CDH2: variants seen among roughly 807,000 people sequenced by gnomAD.
CDH2 encodes cadherin 2.
A neutral mutation model predicts 92.0 loss-of-function variants in CDH2; 17 were observed. That is an observed-to-expected ratio of 0.18 (90% CI 0.13 to 0.28). The LOEUF is 0.28. CDH2 is among the 10% of genes least tolerant of loss of function. CDH2 has a pLI of 1.00. For missense variants in CDH2, 862 were observed against 1,133.1 expected (o/e 0.76, Z 3.44); for synonymous variants, 419 against 415.9 (o/e 1.01, Z -0.09).
At chr18:28,070,175 C>G (rs1330913919) in intron 2 of CDH2, among the ~76,000 whole-genome samples, 1 of 152,092 alleles carries the variant, frequency 6.6e-6, no homozygotes, top group Non-Finnish European at 1.5e-5. Context: ...GATAGTTATA[C>G]CACCCTGTCT....
At chr18:28,015,903 T>C (rs1437129717) in intron 2 of CDH2, among the ~76,000 whole-genome samples, 2 of 152,180 alleles carry the variant, frequency 1.3e-5, no homozygotes, top group Admixed American at 1.3e-4. Context: ...CTCTTCAGTT[T>C]TACTTACACC....
intron 1 of CDH2, among the ~76,000 whole-genome samples, chr18:28,176,670 C>A (rs1424384871): frequency 1.3e-4 from 19 of 148,824 alleles, no homozygotes; most frequent in Admixed American, 1.1e-3. Flanking sequence ...CCTGGGGACA[C>A]CCCCCGCGAG....
At chr18:28,034,799 C>T (rs368925627) in intron 2 of CDH2, among the ~76,000 whole-genome samples, 7 of 151,978 alleles carry the variant, frequency 4.6e-5, no homozygotes, top group Non-Finnish European at 1.0e-4. Flanking sequence ...TTCAAAACTA[C>T]GGTGTTACAA....
At chr18:28,165,296 C>A (rs1453483420) in intron 1 of CDH2, among the ~76,000 whole-genome samples, 1 of 152,116 alleles carries the variant, frequency 6.6e-6, no homozygotes, top group Non-Finnish European at 1.5e-5. Context: ...GATCCTCCTG[C>A]CTCAGCCTCT....
chr18:28,100,179 G>A (rs1473711479), intron 2 of CDH2, among the ~76,000 whole-genome samples: 1 of 152,126 alleles, frequency 6.6e-6, no homozygotes, highest in Non-Finnish European at 1.5e-5. Flanking sequence ...TTCTGTGAGT[G>A]TGTTTTGGGA....
At chr18:28,133,310 G>A (rs972771676) in intron 2 of CDH2, among the ~76,000 whole-genome samples, 8 of 152,164 alleles carry the variant, frequency 5.3e-5, no homozygotes, top group Admixed American at 2.6e-4. Context: ...CCGGCCGGGC[G>A]TGATGGCTCA....
intron 13 of CDH2, 85 bp downstream of exon 13, chr18:27,984,915 T>C (rs2012174814): frequency 2.0e-6 from 2 of 1,021,070 alleles, no homozygotes; most frequent in Non-Finnish European, 3.0e-6. Context: ...TTAGACTACT[T>C]TGCCAGGCAA....
intron 1 of CDH2, among the ~76,000 whole-genome samples, chr18:28,149,736 G>T (rs2016092212): frequency 6.6e-6 from 1 of 152,220 alleles, no homozygotes; most frequent in Non-Finnish European, 1.5e-5. Flanking sequence ...CATCAGGAAA[G>T]ATTGTACAAG....
intron 2 of CDH2, among the ~76,000 whole-genome samples, chr18:28,102,084 C>A (rs1049250105): frequency 1.3e-5 from 2 of 152,112 alleles, no homozygotes; most frequent in Non-Finnish European, 2.9e-5. Flanking sequence ...TCACCTTAAT[C>A]ATGGAGCAGA....
At chr18:28,118,496 G>A (rs1173464582) in intron 2 of CDH2, among the ~76,000 whole-genome samples, 3 of 151,942 alleles carry the variant, frequency 2.0e-5, no homozygotes, top group African/African-American at 7.3e-5. Context: ...ATGACACAAA[G>A]CAAGACAAAA....
chr18:28,157,600 C>T (rs2144346993), intron 1 of CDH2, among the ~76,000 whole-genome samples: 1 of 152,286 alleles, frequency 6.6e-6, no homozygotes, highest in African/African-American at 2.4e-5. Context: ...CATTAGGAAG[C>T]ATTCACATAC....
chr18:28,097,673 T>C (rs1431200351), intron 2 of CDH2, among the ~76,000 whole-genome samples: 18 of 152,232 alleles, frequency 1.2e-4, no homozygotes, highest in Non-Finnish European at 1.5e-5. Flanking sequence ...TATATACAAA[T>C]ACTATGCCAT....
At chr18:28,043,101 T>C (rs612783) in intron 2 of CDH2, among the ~76,000 whole-genome samples, 4,924 of 152,206 alleles carry the variant, frequency 0.032, 236 homozygotes, top group African/African-American at 0.11. Context: ...ATATACACCA[T>C]GGAATACTAC....
intron 2 of CDH2, among the ~76,000 whole-genome samples, chr18:28,031,707 A>G (rs2144084950): frequency 6.6e-6 from 1 of 152,274 alleles, no homozygotes; most frequent in South Asian, 2.1e-4. Flanking sequence ...AAGGGGAATC[A>G]CGAGAACTTG....
At chr18:28,090,110 A>G (rs2015008782) in intron 2 of CDH2, among the ~76,000 whole-genome samples, 1 of 152,202 alleles carries the variant, frequency 6.6e-6, no homozygotes, top group Non-Finnish European at 1.5e-5. Flanking sequence ...TTCTGAATAT[A>G]AGTATCAATT....
chr18:27,963,050 T>C (rs1045035966), intron 15 of CDH2, among the ~76,000 whole-genome samples: 7 of 152,182 alleles, frequency 4.6e-5, no homozygotes, highest in African/African-American at 1.7e-4. Context: ...ATTGTTAGTC[T>C]ATTTATTACT....
rs1417529288 is a variant in CDH2 at position 28,007,489 on chromosome 18, T to G, written c.703-1496A>C. ...TATCAAATTAAAAAAAGCTTCAACA[T>G]ATCCTTTTTTAAATTCAGAGGTTAT... On this transcript the variant is annotated intron_variant, in intron 5 of 15. Coordinates refer to ENST00000269141, the MANE Select transcript of CDH2 (RefSeq NM_001792.5). 5.2e-4 allele frequency among the ~76,000 whole-genome samples: 79 copies of G among 152,124 alleles called. 1 individual carries two copies. Among genetic ancestry groups the G allele is most frequent in the African/African-American group, 1.9e-3 (78 of 41,534 alleles).
intron 4 of CDH2, among the ~76,000 whole-genome samples, chr18:28,011,223 G>A (rs2013089467): frequency 6.6e-6 from 1 of 151,556 alleles, no homozygotes; most frequent in South Asian, 2.1e-4. Flanking sequence ...ATAAATAATG[G>A]GTTAAGTTTA....
At chr18:28,057,663 T>C (rs1414120286) in intron 2 of CDH2, among the ~76,000 whole-genome samples, 1 of 149,138 alleles carries the variant, frequency 6.7e-6, no homozygotes, top group Non-Finnish European at 1.5e-5. Flanking sequence ...CAAGACTCTG[T>C]CTCAAAAAAA....
Sources: gnomAD v4.1 joint callset for allele counts (sites outside exome capture counted in the v4.1 genomes callset) on GRCh38, gnomAD v4.1.1 for gene constraint, MANE v1.5 for transcripts, NCBI Gene and HGNC (gene_info 2026-07-23, HGNC 2026-07-21) for gene names.